The following ACER2 variants were observed in gnomAD, a reference collection of about 807,000 sequenced individuals.
The protein encoded by ACER2 is alkaline ceramidase 2.
Under a neutral mutation model 34.7 loss-of-function variants are expected in ACER2, and 26 were observed. That is an observed-to-expected ratio of 0.75 (90% CI 0.55 to 1.04). The LOEUF (loss-of-function observed/expected upper bound fraction) is 1.04, where lower values mean the gene tolerates loss of function less well. Among genes scored for constraint, ACER2 ranks in the 50% least tolerant of loss-of-function variants. The probability of loss-of-function intolerance (pLI) is 0.00; values close to 1 mark genes in which losing one functional copy is unlikely to be tolerated. For missense variants in ACER2, 352 were observed against 340.8 expected (o/e 1.03, Z -0.26); for synonymous variants, 138 against 132.1 (o/e 1.04, Z -0.31).
chr9:19,435,122 C>T (rs767169018), intron 4 of ACER2, 38 bp downstream of exon 4: 13 of 1,610,726 alleles, frequency 8.1e-6, no homozygotes, highest in East Asian at 2.2e-5. Flanking sequence ...TAGCTGTCCC[C>T]GTGCTGGGAA....
chr9:19,413,063 G>C (rs1457444212), intron 1 of ACER2, among the ~76,000 whole-genome samples: 1 of 152,158 alleles, frequency 6.6e-6, no homozygotes, highest in Non-Finnish European at 1.5e-5. Context: ...TTGTGAAATG[G>C]CACACTAAAG....
intron 3 of ACER2, among the ~76,000 whole-genome samples, chr9:19,429,697 C>T (rs974092472): frequency 6.6e-6 from 1 of 152,036 alleles, no homozygotes; most frequent in Non-Finnish European, 1.5e-5. Context: ...AGATAAAATC[C>T]ACTTTATTTT....
intron 1 of ACER2, among the ~76,000 whole-genome samples, chr9:19,414,011 C>T (rs1004373271): frequency 1.3e-5 from 2 of 152,114 alleles, no homozygotes; most frequent in African/African-American, 4.8e-5. Context: ...TGTGTACAAG[C>T]CGCTGAGGGT....
At chr9:19,425,046 T>C (rs912157021) in intron 3 of ACER2, among the ~76,000 whole-genome samples, 1 of 152,128 alleles carries the variant, frequency 6.6e-6, no homozygotes, top group Non-Finnish European at 1.5e-5. Flanking sequence ...TAATGCAGAG[T>C]GCATCACCTC....
At chr9:19,410,183 C>G (rs188646757) in intron 1 of ACER2, among the ~76,000 whole-genome samples, 160 of 152,348 alleles carry the variant, frequency 1.1e-3, no homozygotes, top group African/African-American at 3.5e-3. Context: ...ATGTCTTCAG[C>G]AGGAGTCAGG....
intron 3 of ACER2, among the ~76,000 whole-genome samples, chr9:19,427,640 C>A (rs1830608981): frequency 9.3e-6 from 1 of 108,004 alleles, no homozygotes; most frequent in Admixed American, 1.0e-4. Context: ...CCCCTCCTTT[C>A]TTTTCTCTTC....
rs553345779 is a variant in ACER2, at chr9:19,441,089, C to G, written c.504-5192C>G. Among the ~76,000 whole-genome samples the G allele has an allele frequency of 7.3e-5, 11 of 150,722 alleles. No individual in the cohort carries two copies. The East Asian group carries it at 2.1e-3, about 29-fold the overall frequency. The stretch of plus-strand genomic sequence containing the variant: ...TTGAGACAGAGTCCTACTGTGTCAC[C>G]CAGGCTGGAGTGCAGTGGCATGATC... On this transcript the variant is annotated intron_variant, in intron 4 of 5. Coordinates refer to ENST00000340967, the MANE Select transcript of ACER2 (RefSeq NM_001010887.3).
chr9:19,410,577 GCA>G lies in ACER2; in HGVS notation c.108+1391_108+1392del, dbSNP rs1589027339. Among the ~76,000 whole-genome samples the G allele has an allele frequency of 2.0e-5, 3 of 152,164 alleles. No homozygotes were observed. In the East Asian group the frequency reaches 5.8e-4, roughly 29 times the overall value. ...AATACAAAAATTAGCTGGACATGTG[GCA>G]CACACTTGTCGTCCCAGCTACTTGG... On this transcript the variant is annotated intron_variant, in intron 1 of 5. Coordinates refer to ENST00000340967, the MANE Select transcript of ACER2 (RefSeq NM_001010887.3).
At chr9:19,414,170 G>A (rs1830168334) in intron 1 of ACER2, among the ~76,000 whole-genome samples, 2 of 152,194 alleles carry the variant, frequency 1.3e-5, no homozygotes, top group Non-Finnish European at 2.9e-5. Flanking sequence ...GCCTTGGGAA[G>A]CCCCCTCAGT....
chr9:19,429,015 C>A (rs1300066646), intron 3 of ACER2, among the ~76,000 whole-genome samples: 2 of 151,740 alleles, frequency 1.3e-5, no homozygotes, highest in African/African-American at 4.8e-5. Context: ...GTCTCGAACT[C>A]CTGACCTCAT....
Position 19,434,988 on chromosome 9 carries a change from C to G in ACER2, c.407C>G (p.Thr136Arg), listed in dbSNP as rs139709021. The G allele has an allele frequency of 8.1e-6, 13 of 1,613,954 alleles. No individual in the cohort carries two copies. The highest frequency in any genetic ancestry group is 1.0e-5 in the Non-Finnish European group (12 of 1,180,038). ...GTGGTCAGTGTCCTGTCTGCGGTTA[C>G]GACGTGCCTGGCATTTGTCAAGCCT... Reference protein sequence around the residue: ...KVVVSVLSAVTTCLAFVKPAI... With the variant: ...KVVVSVLSAVRTCLAFVKPAI... Residue 136 changes from threonine to arginine, a missense_variant, in exon 4 of 6, where the codon ACG (threonine) becomes AGG (arginine). Thr to Arg is a moderately conservative substitution (Grantham distance 71, BLOSUM62 -1). Transcript: ENST00000340967.
At chr9:19,425,282 G>C (rs538177590) in intron 3 of ACER2, among the ~76,000 whole-genome samples, 2 of 152,202 alleles carry the variant, frequency 1.3e-5, no homozygotes, top group Non-Finnish European at 2.9e-5. Flanking sequence ...TAGTTTTCAA[G>C]TTGCCTTTTT....
intron 4 of ACER2, among the ~76,000 whole-genome samples, chr9:19,439,344 C>CT (rs55690063): frequency 0.32 from 44,933 of 138,756 alleles, 7,726 homozygotes; most frequent in Non-Finnish European, 0.38. Context: ...AAGGGGCTTG[C>CT]TTTTTTTTTT....
At chr9:19,435,921 C>T (rs1244140799) in intron 4 of ACER2, among the ~76,000 whole-genome samples, 6 of 151,904 alleles carry the variant, frequency 3.9e-5, no homozygotes, top group Admixed American at 1.3e-4. Flanking sequence ...TGGTGGCGGG[C>T]GCCTGTAGTC....
Position 19,452,188 on chromosome 9 carries a change from T to C in ACER2, c.*1552T>C, listed in dbSNP as rs1831591532. On this transcript the variant is annotated 3_prime_UTR_variant, in exon 6 of 6. Coordinates refer to ENST00000340967, the MANE Select transcript of ACER2 (RefSeq NM_001010887.3). ...TGTCCTGCTTTGTAACATTCCATTG[T>C]TGGGAGAGGGCAGGACAGGTGTGTT... Among the ~76,000 whole-genome samples the C allele has an allele frequency of 6.6e-6, 1 of 152,144 alleles. No homozygotes were observed. The highest frequency in any genetic ancestry group is 1.9e-4 in the East Asian group (1 of 5,184).
chr9:19,452,333 A>T lies in ACER2; in HGVS notation c.*1697A>T, dbSNP rs1313653023. On this transcript the variant is annotated 3_prime_UTR_variant, in exon 6 of 6. Coordinates refer to ENST00000340967, the MANE Select transcript of ACER2 (RefSeq NM_001010887.3). ...AATTTGTACCAGATCCAAGGTGAAAACCCCAATAAGCAACTGAATTTAGAG... is the reference window on the plus strand; with the variant it reads ...AATTTGTACCAGATCCAAGGTGAAATCCCCAATAAGCAACTGAATTTAGAG... Among the ~76,000 whole-genome samples the T allele has an allele frequency of 1.3e-5, 2 of 152,030 alleles. No homozygotes were observed. Among genetic ancestry groups the T allele is most frequent in the Non-Finnish European group, 2.9e-5 (2 of 67,986 alleles).
chr9:19,426,575 C>T (rs887921447), intron 3 of ACER2, among the ~76,000 whole-genome samples: 2 of 152,028 alleles, frequency 1.3e-5, no homozygotes, highest in African/African-American at 2.4e-5. Context: ...TGGGAATAAA[C>T]GTTTTGTGTA....
In ACER2 at chr9:19,424,609, A is replaced by G. The variant is rs1251389216; in HGVS notation, c.224-91A>G. 1.3e-5 allele frequency: 21 copies of G among 1,558,802 alleles called. No homozygotes were observed. In the African/African-American group the frequency reaches 2.3e-4, roughly 17 times the overall value. ...GAGAGAGTGATCTGGTGACTGTGTT[A>G]ACCATTGGTGAAAGGACTATCCTTA... On this transcript the variant is annotated intron_variant, in intron 2 of 5. Coordinates refer to ENST00000340967, the MANE Select transcript of ACER2 (RefSeq NM_001010887.3).
intron 4 of ACER2, among the ~76,000 whole-genome samples, chr9:19,443,997 G>C (rs1472501423): frequency 6.6e-6 from 1 of 151,968 alleles, no homozygotes; most frequent in Non-Finnish European, 1.5e-5. Context: ...TAAATTCATA[G>C]TTTCAACTTG....
Sources: gnomAD v4.1 joint callset for allele counts (sites outside exome capture counted in the v4.1 genomes callset) on GRCh38, gnomAD v4.1.1 for gene constraint, MANE v1.5 for transcripts, NCBI Gene and HGNC (gene_info 2026-07-23, HGNC 2026-07-21) for gene names.